XIRP2: variants seen among roughly 807,000 people sequenced by gnomAD.
XIRP2 encodes the protein xin actin-binding repeat-containing protein 2.
A neutral mutation model predicts 277.0 loss-of-function variants in XIRP2; 236 were observed. That is an observed-to-expected ratio of 0.85 (90% CI 0.77 to 0.95). XIRP2 has a LOEUF of 0.95. Among genes scored for constraint, XIRP2 ranks in the 40% least tolerant of loss-of-function variants. The pLI, the probability that XIRP2 is intolerant of heterozygous loss-of-function variation, is 0.00. For missense variants in XIRP2, 4,640 were observed against 4,157.5 expected, an observed-to-expected ratio of 1.12 and a Z score of -3.19; for synonymous variants, 1,490 against 1,416.5, an observed-to-expected ratio of 1.05 and a Z score of -1.17.
At chr2:166,902,838 A>G (rs1684417118) in intron 1 of XIRP2, among the ~76,000 whole-genome samples, 1 of 152,042 alleles carries the variant, frequency 6.6e-6, no homozygotes, top group African/African-American at 2.4e-5. Flanking sequence ...GCAAATTACT[A>G]TTTAATTTTC....
chr2:167,227,938 C>T (rs2105413020), intron 5 of XIRP2, among the ~76,000 whole-genome samples: 2 of 152,176 alleles, frequency 1.3e-5, no homozygotes, highest in South Asian at 4.2e-4. Flanking sequence ...ACCTATACAT[C>T]TAACGTGTCT....
intron 3 of XIRP2, among the ~76,000 whole-genome samples, chr2:167,167,132 T>G (rs1201398159): frequency 6.6e-6 from 1 of 152,224 alleles, no homozygotes; most frequent in Admixed American, 6.5e-5. Flanking sequence ...TTGCTCCATT[T>G]GAAAATAATA....
rs189493915 is a variant in XIRP2, at chr2:167,211,168, G to A, written c.723+273G>A. ...CATCCAGGCTGGAGTGCAATGGCAC[G>A]ATCTCGGCACCCTCCACCTCCTGGG... On this transcript the variant is annotated intron_variant, in intron 4 of 10. Coordinates refer to ENST00000409195, the MANE Select transcript of XIRP2 (RefSeq NM_152381.6). 6.6e-5 allele frequency among the ~76,000 whole-genome samples: 10 copies of A among 152,146 alleles called. No individual in the cohort carries two copies. The East Asian group carries it at 1.5e-3, about 24-fold the overall frequency.
rs1378882358 is a variant in XIRP2 at position 167,245,569 on chromosome 2, A to G, written c.4177A>G (p.Thr1393Ala). 6.2e-7 allele frequency: 1 copy of G among 1,613,574 alleles called. No homozygotes were observed. The highest frequency in any genetic ancestry group is 1.3e-5 in the African/African-American group (1 of 74,908). Residue 1393 changes from threonine (T) to alanine (A), a missense_variant, in exon 9 of 11, where the codon ACT becomes GCT. Thr to Ala is a moderately conservative substitution (Grantham distance 58). Transcript: ENST00000409195. ...TAGTTCTGTCAGATACAGATTTGAA[A>G]CTCAGCCACTGGATCAGATTTCTGA... Reference protein sequence around the residue: ...DVSSVRYRFETQPLDQISEES... With the variant: ...DVSSVRYRFEAQPLDQISEES...
chr2:166,905,597 C>G (rs1684496828), intron 2 of XIRP2, among the ~76,000 whole-genome samples: 1 of 151,688 alleles, frequency 6.6e-6, no homozygotes, highest in Non-Finnish European at 1.5e-5. Context: ...TTTAAATATC[C>G]TAAGGTTCTA....
intron 2 of XIRP2, among the ~76,000 whole-genome samples, chr2:166,979,236 A>C (rs1306640435): frequency 2.0e-5 from 3 of 152,120 alleles, no homozygotes; most frequent in Non-Finnish European, 4.4e-5. Flanking sequence ...AATGAGAGAG[A>C]GAGCATTTTC....
At chr2:167,221,152 G>A (rs1211583025) in intron 5 of XIRP2, among the ~76,000 whole-genome samples, 1 of 152,118 alleles carries the variant, frequency 6.6e-6, no homozygotes, top group Non-Finnish European at 1.5e-5. Flanking sequence ...AAGACCGTAT[G>A]CAGAAGTCTG....
intron 3 of XIRP2, among the ~76,000 whole-genome samples, chr2:167,208,306 T>G (rs1693916595): frequency 6.6e-6 from 1 of 152,292 alleles, no homozygotes; most frequent in Admixed American, 6.5e-5. Flanking sequence ...GGTTTTATCA[T>G]TCCCTTTTTT....
intron 2 of XIRP2, among the ~76,000 whole-genome samples, chr2:167,083,718 A>T (rs1333908335): frequency 5.9e-5 from 9 of 152,210 alleles, no homozygotes; most frequent in Non-Finnish European, 1.3e-4. Context: ...TGTGAATGGC[A>T]GTTCACTCAT....
chr2:167,161,291 A>G (rs1487593792), intron 3 of XIRP2, among the ~76,000 whole-genome samples: 4 of 152,216 alleles, frequency 2.6e-5, no homozygotes, highest in Non-Finnish European at 5.9e-5. Flanking sequence ...CAACTCCACT[A>G]GGTGGTGCCC....
intron 2 of XIRP2, among the ~76,000 whole-genome samples, chr2:167,072,619 A>G (rs532126038): frequency 3.4e-4 from 52 of 152,292 alleles, no homozygotes; most frequent in Non-Finnish European, 6.3e-4. Context: ...CACTCAATAA[A>G]TACTTCATTT....
chr2:167,062,462 CTAT>C (rs1689194687), intron 2 of XIRP2, among the ~76,000 whole-genome samples: 1 of 152,114 alleles, frequency 6.6e-6, no homozygotes, highest in Non-Finnish European at 1.5e-5. Context: ...TTCCCTGGGG[CTAT>C]TATACTACAG....
chr2:166,994,893 A>T (rs1687172278), intron 2 of XIRP2, among the ~76,000 whole-genome samples: 1 of 151,866 alleles, frequency 6.6e-6, no homozygotes, highest in South Asian at 2.1e-4. Context: ...AATAAAAAGT[A>T]AAAATGAGAA....
chr2:167,147,246 A>T (rs1691887529), intron 3 of XIRP2, among the ~76,000 whole-genome samples: 1 of 152,188 alleles, frequency 6.6e-6, no homozygotes, highest in Admixed American at 6.5e-5. Context: ...AATAGTAATA[A>T]TATAGGCAGT....
chr2:167,251,847 A>G lies in XIRP2; in HGVS notation c.10455A>G (p.Gln3485=), dbSNP rs1842233. ...EVRKNFQKTW[Q]ESGRVFKGLG... ...GAAAAAATTTTCAAAAGACGTGGCA[A>G]GAGAGTGGAAGAGTTTTTAAAGGCC... The change falls in exon 9 of 11, where the codon CAA becomes CAG. Residue 3485 remains glutamine (Q), a synonymous_variant. Transcript: ENST00000409195. 312,421 of 1,612,550 alleles carry G rather than the reference A, an allele frequency of 0.19. 36,191 individuals carry two copies. Among genetic ancestry groups the G allele is most frequent in the African/African-American group, 0.5 (37,352 of 74,802 alleles).
chr2:166,890,771 A>G (rs963722793), intron 1 of XIRP2, among the ~76,000 whole-genome samples: 1 of 152,148 alleles, frequency 6.6e-6, no homozygotes, highest in Non-Finnish European at 1.5e-5. Context: ...GAAATATTTA[A>G]CAAATTTCTT....
intron 3 of XIRP2, among the ~76,000 whole-genome samples, chr2:167,161,868 G>A (rs1159401644): frequency 1.3e-5 from 2 of 152,044 alleles, no homozygotes; most frequent in East Asian, 1.9e-4. Flanking sequence ...AAACTCTTAT[G>A]CTCTGCTTCC....
chr2:167,210,281 G>T (rs182513429), intron 3 of XIRP2, among the ~76,000 whole-genome samples: 1 of 152,108 alleles, frequency 6.6e-6, no homozygotes, highest in African/African-American at 2.4e-5. Flanking sequence ...CAAATCTGCC[G>T]CTTGTTAAAG....
chr2:166,984,732 A>G (rs1686958324), intron 2 of XIRP2, among the ~76,000 whole-genome samples: 1 of 152,198 alleles, frequency 6.6e-6, no homozygotes, highest in African/African-American at 2.4e-5. Flanking sequence ...AAACACTGAT[A>G]TCAAAAATGA....
Sources: allele counts gnomAD v4.1 joint callset (sites outside exome capture counted in the v4.1 genomes callset), GRCh38; gene constraint gnomAD v4.1.1; transcripts MANE v1.5; gene names NCBI Gene and HGNC (gene_info 2026-07-23, HGNC 2026-07-21).